Variants in MROH1 observed in about 807,000 individuals in gnomAD.
MROH1 encodes the protein maestro heat like repeat family member 1, also known as maestro heat-like repeat-containing protein family member 1.
Under a neutral mutation model 116.5 loss-of-function variants are expected in MROH1, and 117 were observed. The ratio of observed to expected loss-of-function variants is 1.00; its 90% CI spans 0.86 to 1.17. MROH1 has a LOEUF of 1.17. Among genes scored for constraint, MROH1 ranks in the 50% most tolerant of loss-of-function variants. The pLI is 0.00. For missense variants in MROH1, 1,873 were observed against 1,338.5 expected, an observed-to-expected ratio of 1.40 and a Z score of -6.23; for synonymous variants, 921 against 583.9, an observed-to-expected ratio of 1.58 and a Z score of -8.32.
At chr8:144,202,010 TC>T (rs1831257912) in intron 12 of MROH1, among the ~76,000 whole-genome samples, 1 of 125,004 alleles carries the variant, frequency 8.0e-6, no homozygotes, top group South Asian at 2.5e-4. Flanking sequence ...AGAGTGAGAC[TC>T]CGTCTCCAAA....
In MROH1 at chr8:144,192,411, G is replaced by T. The variant is rs770013484; in HGVS notation, c.948+10G>T. Reference sequence around the variant, plus strand: ...TGCACTGCACTCCCAGGTAGGAGGCGGGCGTCAGGGGGCGGGTCCAGGTTC... The same window carrying T: ...TGCACTGCACTCCCAGGTAGGAGGCTGGCGTCAGGGGGCGGGTCCAGGTTC... On this transcript the variant is annotated intron_variant, in intron 10 of 43. Transcript: ENST00000326134. 6.4e-7 allele frequency: 1 copy of T among 1,569,354 alleles called. No individual in the cohort carries two copies.
At position 144,261,648 on chromosome 8, in the gene MROH1, C is replaced by T. The variant is rs1845104617; in HGVS notation, c.4841-7C>T. The T allele has an allele frequency of 1.5e-5, 11 of 714,326 alleles. No individual in the cohort carries two copies. The South Asian group carries it at 1.6e-4, about 10-fold the overall frequency. The allele number at this position is 714,326 out of a possible 1,614,324, so 44.2% of individuals were successfully genotyped here. On this transcript the variant is annotated splice_polypyrimidine_tract_variant and splice_region_variant and intron_variant, in intron 43 of 43. Transcript: ENST00000326134. The stretch of plus-strand genomic sequence containing the variant: ...GCCCGCAGGCAGCCCCCCTCCTCTA[C>T]CCCCAGCGCTCCAGATCCTGCTGAA...
intron 1 of MROH1, among the ~76,000 whole-genome samples, chr8:144,154,364 T>G (rs1817553132): frequency 6.6e-6 from 1 of 152,202 alleles, no homozygotes. Context: ...CTTGTTCTTA[T>G]AAAGTCATGG....
In MROH1 at chr8:144,255,564, TCGAGCTCTACCC is replaced by T. The variant is rs1843589565; in HGVS notation, c.3652_3663del (p.Glu1218_Pro1221del). On this transcript the variant is annotated inframe_deletion, in exon 35 of 44. Coordinates refer to ENST00000326134, the MANE Select transcript of MROH1 (RefSeq NM_032450.3). ...ACGCCTGCAGCGGGGCCCGCGGTGCTCGAGCTCTACCCCCAGCTGTTTGTGGTGCTTCTGCTG... is the reference window on the plus strand; with the variant it reads ...ACGCCTGCAGCGGGGCCCGCGGTGCTCCAGCTGTTTGTGGTGCTTCTGCTG... The T allele has an allele frequency of 1.3e-6, 1 of 779,194 alleles. No individual in the cohort carries two copies. The highest frequency in any genetic ancestry group is 1.7e-5 in the African/African-American group (1 of 59,124). 48.3% of individuals were successfully genotyped at this position (779,194 alleles called of 1,614,324 possible).
chr8:144,172,031 G>C (rs1006559165), intron 4 of MROH1, among the ~76,000 whole-genome samples: 5 of 152,194 alleles, frequency 3.3e-5, no homozygotes, highest in Non-Finnish European at 7.3e-5. Context: ...ACTCCTTGTA[G>C]CAATAAAATT....
chr8:144,227,840 C>A (rs1265894765), intron 14 of MROH1, among the ~76,000 whole-genome samples: 1 of 152,090 alleles, frequency 6.6e-6, no homozygotes, highest in African/African-American at 2.4e-5. Context: ...CAGGTCCCAG[C>A]CACTCGAGAG....
At chr8:144,196,426 G>C (rs1829918330) in intron 10 of MROH1, among the ~76,000 whole-genome samples, 1 of 151,322 alleles carries the variant, frequency 6.6e-6, no homozygotes, top group Non-Finnish European at 1.5e-5. Context: ...GTGCGATCTT[G>C]ACTCACTGCA....
Position 144,163,385 on chromosome 8 carries a change from G to T in MROH1, c.-56-386G>T, listed in dbSNP as rs942878781. Among the ~76,000 whole-genome samples the T allele has an allele frequency of 3.3e-5, 5 of 152,218 alleles. No individual in the cohort carries two copies. Among genetic ancestry groups the T allele is most frequent in the Non-Finnish European group, 5.9e-5 (4 of 68,046 alleles). Reference sequence around the variant, plus strand: ...AGGGACCATTGTTGCATGCAGTGGCGCATGGCATGTGATGTGTGAAAGCTG... The same window carrying T: ...AGGGACCATTGTTGCATGCAGTGGCTCATGGCATGTGATGTGTGAAAGCTG... On this transcript the variant is annotated intron_variant, in intron 2 of 43. Coordinates refer to ENST00000326134, the MANE Select transcript of MROH1 (RefSeq NM_032450.3). The surrounding 1 kb of genome is among the most constrained non-coding windows in gnomAD (Gnocchi z 4.4).
At chr8:144,228,612 C>T (rs560122953) in intron 14 of MROH1, among the ~76,000 whole-genome samples, 6 of 152,234 alleles carry the variant, frequency 3.9e-5, no homozygotes, top group South Asian at 2.1e-4. Flanking sequence ...TACAGCCACA[C>T]GCCACCACAC....
At chr8:144,184,209 G>A (rs539588113) in intron 7 of MROH1, among the ~76,000 whole-genome samples, 18 of 152,290 alleles carry the variant, frequency 1.2e-4, no homozygotes, top group East Asian at 5.8e-4. Context: ...TAAATGGGCC[G>A]GGCTGAAGTG....
chr8:144,239,483 T>C, intron 17 of MROH1, 120 bp downstream of exon 17: 1 of 769,544 alleles, frequency 1.3e-6, no homozygotes, highest in Non-Finnish European at 2.4e-6. Context: ...GGTGTGGTTT[T>C]CCTCTACGTG....
chr8:144,239,625 C>T lies in MROH1; in HGVS notation c.1644C>T (p.Ser548=). The T allele has an allele frequency of 2.6e-6, 2 of 771,738 alleles. No individual in the cohort carries two copies. Among genetic ancestry groups the T allele is most frequent in the South Asian group, 2.7e-5 (2 of 72,896 alleles). The allele number at this position is 771,738 out of a possible 1,614,324, so 47.8% of individuals were successfully genotyped here. A position where few individuals can be genotyped will look rare whatever the true frequency, so the allele number is the denominator to read the frequency against. Residue 548 remains serine (S), a synonymous_variant, in exon 18 of 44, where the codon TCC becomes TCT. Coordinates refer to ENST00000326134, the MANE Select transcript of MROH1 (RefSeq NM_032450.3). ...CTGCCTCTTTTCAGGTTGTGTCTTCCAGCCCCTACCTAGGGGACGGACGTG... is the reference window on the plus strand; with the variant it reads ...CTGCCTCTTTTCAGGTTGTGTCTTCTAGCCCCTACCTAGGGGACGGACGTG... ...AVTGRLLVVS[S]SPYLGDGRGA...
At chr8:144,177,236 C>G (rs1025014872) in intron 4 of MROH1, among the ~76,000 whole-genome samples, 1 of 152,168 alleles carries the variant, frequency 6.6e-6, no homozygotes, top group Non-Finnish European at 1.5e-5. Context: ...GGACTCTCAA[C>G]GTTTGAGATA....
At chr8:144,211,599 G>T (rs1208721143) in intron 12 of MROH1, among the ~76,000 whole-genome samples, 1 of 151,942 alleles carries the variant, frequency 6.6e-6, no homozygotes, top group Non-Finnish European at 1.5e-5. Flanking sequence ...GGTGATGCGG[G>T]CCTGTAATCC....
chr8:144,213,931 G>GGT (rs1834726274), intron 12 of MROH1: 1 of 151,498 alleles, frequency 6.6e-6, no homozygotes, highest in African/African-American at 2.4e-5. Flanking sequence ...ATGCCATGGG[G>GGT]TTTTTTTTTG....
At chr8:144,204,760 G>A (rs1029044069) in intron 12 of MROH1, among the ~76,000 whole-genome samples, 3 of 152,172 alleles carry the variant, frequency 2.0e-5, no homozygotes, top group Non-Finnish European at 4.4e-5. Flanking sequence ...GGATTCCAGT[G>A]AATTATCTAC....
chr8:144,152,404 T>G (rs1817024382), intron 1 of MROH1, among the ~76,000 whole-genome samples: 1 of 152,222 alleles, frequency 6.6e-6, no homozygotes, highest in East Asian at 1.9e-4. Flanking sequence ...TTTTTTTTTT[T>G]TTTGAGACGG....
rs1351441612 is a variant in MROH1 at position 144,182,132 on chromosome 8, G to C, written c.562+1609G>C. Among the ~76,000 whole-genome samples the C allele has an allele frequency of 2.0e-5, 3 of 150,398 alleles. No individual in the cohort carries two copies. The highest frequency in any genetic ancestry group is 6.5e-5 in the Admixed American group (1 of 15,270). ...TGCTGGCTGGAGCAGCCTGGGGCCAGAGGAAGCCGTATCAACCGGGTGAGG... is the reference window on the plus strand; with the variant it reads ...TGCTGGCTGGAGCAGCCTGGGGCCACAGGAAGCCGTATCAACCGGGTGAGG... On this transcript the variant is annotated intron_variant, in intron 7 of 43. Coordinates refer to ENST00000326134, the MANE Select transcript of MROH1 (RefSeq NM_032450.3). This position sits in a 1 kb window ranked among gnomAD's most constrained non-coding sequence, Gnocchi z 4.1.
chr8:144,221,332 G>T (rs754947068), intron 13 of MROH1, among the ~76,000 whole-genome samples: 5 of 152,166 alleles, frequency 3.3e-5, no homozygotes, highest in Non-Finnish European at 7.3e-5. Flanking sequence ...TTCTTACCAG[G>T]CCAGATGTTT....
Sources: allele counts gnomAD v4.1 joint callset (sites outside exome capture counted in the v4.1 genomes callset), GRCh38; gene constraint gnomAD v4.1.1; non-coding constraint Gnocchi (gnomAD v3.1); transcripts MANE v1.5; gene names NCBI Gene and HGNC (gene_info 2026-07-23, HGNC 2026-07-21).